Variants in ACACA observed in about 807,000 individuals in gnomAD.
ACACA encodes the protein acetyl-CoA carboxylase alpha, also known as acetyl-CoA carboxylase 1.
A neutral mutation model predicts 296.1 loss-of-function variants in ACACA; 103 were observed. That is an observed-to-expected ratio of 0.35 (90% CI 0.30 to 0.41). The LOEUF is 0.41. Ranked by LOEUF, ACACA falls within the 10% of genes least tolerant of loss-of-function variation. ACACA has a pLI of 1.00. For synonymous variants in ACACA, 953 were observed against 1,038.6 expected (o/e 0.92, Z 1.58); for missense variants, 1,554 against 2,989.7 (o/e 0.52, Z 11.20).
At chr17:37,358,672 G>A (rs2049258395) in intron 1 of ACACA, among the ~76,000 whole-genome samples, 1 of 152,214 alleles carries the variant, frequency 6.6e-6, no homozygotes, top group Non-Finnish European at 1.5e-5. Context: ...GCTGGAGCTG[G>A]GCAAGAGGGG....
intron 14 of ACACA, among the ~76,000 whole-genome samples, chr17:37,255,808 G>A (rs1010774159): frequency 3.3e-5 from 5 of 152,220 alleles, no homozygotes; most frequent in Admixed American, 6.5e-5. Flanking sequence ...GTGCAATGGC[G>A]TGATCTTGGC....
intron 2 of ACACA, among the ~76,000 whole-genome samples, chr17:37,333,276 AT>A (rs2047968453): frequency 6.6e-6 from 1 of 152,214 alleles, no homozygotes; most frequent in Non-Finnish European, 1.5e-5. Context: ...TCGGGAAGCC[AT>A]CAGGAGATTA....
At chr17:37,383,807 T>TCCCCC (rs1448596229) in intron 1 of ACACA, among the ~76,000 whole-genome samples, 4 of 152,162 alleles carry the variant, frequency 2.6e-5, no homozygotes, top group Non-Finnish European at 5.9e-5. Context: ...CAACTCAGCC[T>TCCCCC]CCCAAAGTGC....
intron 41 of ACACA, among the ~76,000 whole-genome samples, chr17:37,163,590 T>C (rs1216485238): frequency 6.6e-6 from 1 of 152,182 alleles, no homozygotes; most frequent in Non-Finnish European, 1.5e-5. Flanking sequence ...AGGCTCCTTG[T>C]ACTGTCCTCT....
chr17:37,094,755 T>G (rs1249855085), intron 54 of ACACA, among the ~76,000 whole-genome samples: 2 of 152,232 alleles, frequency 1.3e-5, no homozygotes, highest in Non-Finnish European at 2.9e-5. Flanking sequence ...CAAAGCCACA[T>G]GCCCTGACAT....
intron 33 of ACACA, among the ~76,000 whole-genome samples, chr17:37,202,946 G>T (rs993079084): frequency 1.5e-4 from 23 of 148,448 alleles, no homozygotes; most frequent in African/African-American, 5.6e-4. Context: ...CATATGTAGC[G>T]AATATGAAGA....
intron 52 of ACACA, among the ~76,000 whole-genome samples, chr17:37,099,405 C>A (rs529431782): frequency 2.0e-4 from 30 of 152,202 alleles, no homozygotes; most frequent in Middle Eastern, 3.4e-3. Flanking sequence ...TAAGGGATGA[C>A]ACAAAGGCCC....
chr17:37,379,681 T>C (rs1463227868), intron 1 of ACACA, among the ~76,000 whole-genome samples: 1 of 151,830 alleles, frequency 6.6e-6, no homozygotes, highest in Non-Finnish European at 1.5e-5. Context: ...AAAATGCTCA[T>C]GATCACTGGC....
chr17:37,218,147 C>CACA (rs1567831969), intron 29 of ACACA, among the ~76,000 whole-genome samples: 3 of 116,598 alleles, frequency 2.6e-5, no homozygotes, highest in Non-Finnish European at 3.4e-5. Flanking sequence ...CTACCAGTAA[C>CACA]AAAAAAAAAA....
rs2079481812 is a variant in ACACA at position 37,225,109 on chromosome 17, G to C, written c.3361-4C>G. ...GCAAATGGGAGGCAATAAGAACCTA[G>C]AGTGAGAACAAAATAGGAGGCACAC... On this transcript the variant is annotated splice_polypyrimidine_tract_variant and splice_region_variant and intron_variant, in intron 26 of 55. Coordinates refer to ENST00000616317, the MANE Select transcript of ACACA (RefSeq NM_198834.3). The C allele has an allele frequency of 6.4e-7, 1 of 1,556,328 alleles. No individual in the cohort carries two copies. The highest frequency in any genetic ancestry group is 8.9e-7 in the Non-Finnish European group (1 of 1,127,684).
At chr17:37,131,054 C>A (rs1216835988) in intron 45 of ACACA, among the ~76,000 whole-genome samples, 1 of 151,906 alleles carries the variant, frequency 6.6e-6, no homozygotes, top group Non-Finnish European at 1.5e-5. Flanking sequence ...TACATGAACC[C>A]CTGAGTCTCA....
chr17:37,110,105 A>AAAAAAGG (rs1215272730), intron 52 of ACACA, among the ~76,000 whole-genome samples: 1 of 152,236 alleles, frequency 6.6e-6, no homozygotes, highest in Non-Finnish European at 1.5e-5. Context: ...AAAAGGAAGA[A>AAAAAAGG]AAAAAGGAAA....
intron 39 of ACACA, among the ~76,000 whole-genome samples, chr17:37,186,383 T>G (rs2077531995): frequency 6.6e-6 from 1 of 152,208 alleles, no homozygotes. Context: ...TGAGTACAGT[T>G]TGCTTTTTCT....
At chr17:37,308,998 T>C (rs2084008360) in intron 3 of ACACA, among the ~76,000 whole-genome samples, 1 of 152,200 alleles carries the variant, frequency 6.6e-6, no homozygotes, top group East Asian at 1.9e-4. Context: ...ACCTCTACCA[T>C]TTATTCACAA....
chr17:37,387,478 A>T (rs375810041), intron 1 of ACACA: 8 of 150,106 alleles, frequency 5.3e-5, no homozygotes, highest in African/African-American at 2.0e-4. Flanking sequence ...ATGGAGTGTC[A>T]CTCTGTCCCC....
At chr17:37,280,865 G>A (rs2082487788) in intron 5 of ACACA, among the ~76,000 whole-genome samples, 1 of 151,870 alleles carries the variant, frequency 6.6e-6, no homozygotes, top group African/African-American at 2.4e-5. Context: ...TGGAAAACAA[G>A]GTCCCCCTTG....
At chr17:37,395,895 A>C (rs1476257689) in intron 1 of ACACA, among the ~76,000 whole-genome samples, 1 of 152,232 alleles carries the variant, frequency 6.6e-6, no homozygotes, top group East Asian at 1.9e-4. Flanking sequence ...TGATAGGCCC[A>C]AAAATTAAGA....
rs181659369 is a variant in ACACA, at chr17:37,187,754, T to C, written c.4776+523A>G. On this transcript the variant is annotated intron_variant, in intron 39 of 55. Transcript: ENST00000616317. The stretch of plus-strand genomic sequence containing the variant: ...ATAATAGATAACACAATAAATATGA[T>C]AAAAACAGAAACAGAACACAATAGA... Among the ~76,000 whole-genome samples the C allele has an allele frequency of 3.3e-3, 501 of 152,272 alleles. 3 individuals carry two copies. Among genetic ancestry groups the C allele is most frequent in the African/African-American group, 0.011 (466 of 41,568 alleles).
At chr17:37,234,733 T>C (rs547431986) in intron 25 of ACACA, among the ~76,000 whole-genome samples, 1 of 152,276 alleles carries the variant, frequency 6.6e-6, no homozygotes, top group Admixed American at 6.5e-5. Flanking sequence ...TTAGGAGGTA[T>C]AAGTTCCTGT....
Sources: gnomAD v4.1 joint callset for allele counts (sites outside exome capture counted in the v4.1 genomes callset) on GRCh38, gnomAD v4.1.1 for gene constraint, MANE v1.5 for transcripts, NCBI Gene and HGNC (gene_info 2026-07-23, HGNC 2026-07-21) for gene names.